Variants in PID1 observed in about 807,000 individuals in gnomAD.
The protein encoded by PID1 is phosphotyrosine interaction domain containing 1.
PID1 carries 10 observed loss-of-function variants against 19.1 expected under a neutral mutation model. That is an observed-to-expected ratio of 0.52 (90% CI 0.32 to 0.89). The LOEUF (loss-of-function observed/expected upper bound fraction) is 0.89, where lower values mean the gene tolerates loss of function less well. PID1 is among the 40% of genes least tolerant of loss of function. The probability of loss-of-function intolerance (pLI) is 0.03; values close to 1 mark genes in which losing one functional copy is unlikely to be tolerated. For missense variants in PID1, 248 were observed against 285.3 expected, an observed-to-expected ratio of 0.87 and a Z score of 0.94; for synonymous variants, 130 against 116.0, an observed-to-expected ratio of 1.12 and a Z score of -0.78.
chr2:229,161,119 C>A (rs913387231), intron 1 of PID1, among the ~76,000 whole-genome samples: 1 of 152,088 alleles, frequency 6.6e-6, no homozygotes, highest in Admixed American at 6.6e-5. Context: ...ATGTCCCTGC[C>A]CAAAAGCATT....
At chr2:229,041,883 C>T (rs1214063972) in intron 2 of PID1, among the ~76,000 whole-genome samples, 3 of 152,048 alleles carry the variant, frequency 2.0e-5, no homozygotes, top group Non-Finnish European at 4.4e-5. Flanking sequence ...TAAAGATCTG[C>T]TCCAGATTAA....
intron 2 of PID1, among the ~76,000 whole-genome samples, chr2:229,061,190 C>T (rs1020155247): frequency 2.0e-5 from 3 of 151,998 alleles, no homozygotes; most frequent in East Asian, 3.9e-4. Context: ...AGACAAATGT[C>T]GTAGAACTTT....
At chr2:229,182,065 G>A (rs1307755232) in intron 1 of PID1, among the ~76,000 whole-genome samples, 1 of 152,176 alleles carries the variant, frequency 6.6e-6, no homozygotes, top group Non-Finnish European at 1.5e-5. Flanking sequence ...AGGGAGGAAT[G>A]AATAGGAAGA....
In PID1 at chr2:229,026,075, T is replaced by A. The variant is rs1472167795; in HGVS notation, c.211A>T (p.Met71Leu). 4 of 1,614,022 alleles carry A rather than the reference T, an allele frequency of 2.5e-6. No homozygotes were observed. The highest frequency in any genetic ancestry group is 3.4e-6 in the Non-Finnish European group (4 of 1,180,006). Residue 71 changes from methionine to leucine, a missense_variant, in exon 3 of 3, where the codon ATG becomes TTG. Physicochemically the swap from Met to Leu is conservative, Grantham distance 15. Coordinates refer to ENST00000392055, the MANE Select transcript of PID1 (RefSeq NM_001100818.2). ...TYLGKVSTTG[M>L]QFLSGCTEKP... ...TCTGTGCAGCCTGACAAAAACTGCATGCCAGTGGTGGAGACTTTGCCCAGG... is the reference window on the plus strand; with the variant it reads ...TCTGTGCAGCCTGACAAAAACTGCAAGCCAGTGGTGGAGACTTTGCCCAGG...
chr2:229,108,743 C>G (rs6748551), intron 2 of PID1, among the ~76,000 whole-genome samples: 11,832 of 152,120 alleles, frequency 0.078, 530 homozygotes, highest in African/African-American at 0.12. Flanking sequence ...GAGAGGCCAG[C>G]CTATGGGGAG....
At chr2:229,151,570 T>G (rs1304261407) in intron 2 of PID1, among the ~76,000 whole-genome samples, 2 of 149,190 alleles carry the variant, frequency 1.3e-5, no homozygotes, top group Non-Finnish European at 3.0e-5. Flanking sequence ...GACTTCTATT[T>G]CTTTTTTTTT....
chr2:229,162,040 C>T (rs1303247891), intron 1 of PID1, among the ~76,000 whole-genome samples: 3 of 152,172 alleles, frequency 2.0e-5, no homozygotes, highest in East Asian at 3.8e-4. Flanking sequence ...AGCTACTGCT[C>T]GCAAACCAAA....
At chr2:229,187,634 G>C (rs905388206) in intron 1 of PID1, among the ~76,000 whole-genome samples, 3 of 152,114 alleles carry the variant, frequency 2.0e-5, no homozygotes, top group African/African-American at 4.8e-5. Context: ...ATGAGATTTG[G>C]ATGGGGACAC....
chr2:229,059,688 G>A (rs1337240399), intron 2 of PID1, among the ~76,000 whole-genome samples: 1 of 152,176 alleles, frequency 6.6e-6, no homozygotes, highest in Non-Finnish European at 1.5e-5. Flanking sequence ...GTGCTACGAT[G>A]TGTTTACTTC....
intron 2 of PID1, among the ~76,000 whole-genome samples, chr2:229,132,645 G>A (rs1379843848): frequency 6.6e-6 from 1 of 152,170 alleles, no homozygotes; most frequent in African/African-American, 2.4e-5. Flanking sequence ...TTGATTAGGA[G>A]CATTAATTAA....
intron 1 of PID1, among the ~76,000 whole-genome samples, chr2:229,180,083 G>A (rs900980406): frequency 6.6e-6 from 1 of 152,132 alleles, no homozygotes. Context: ...TCGTATACAG[G>A]TCCCAAATCT....
intron 1 of PID1, among the ~76,000 whole-genome samples, chr2:229,195,005 A>G (rs376797963): frequency 6.6e-6 from 1 of 151,884 alleles, no homozygotes. Flanking sequence ...TTTTTAGTTT[A>G]TATCTTACTA....
chr2:229,254,865 T>C (rs537024813), intron 1 of PID1, among the ~76,000 whole-genome samples: 125 of 152,350 alleles, frequency 8.2e-4, no homozygotes, highest in Middle Eastern at 6.8e-3. Context: ...AGGACTTTTA[T>C]ATTCTGTGGG....
rs545425672 is a variant in PID1 at position 229,253,445 on chromosome 2, C to T, written c.30+17569G>A. On this transcript the variant is annotated intron_variant, in intron 1 of 2. Transcript: ENST00000392055. ...GAGATGCCAATAGCAGGACTACACC[C>T]TTATAAACAACAAGGACCAAAAAAC... Among the ~76,000 whole-genome samples, 5 of 152,156 alleles carry T rather than the reference C, an allele frequency of 3.3e-5. No homozygotes were observed. In the South Asian group the frequency reaches 8.3e-4, roughly 25 times the overall value.
intron 2 of PID1, among the ~76,000 whole-genome samples, chr2:229,053,732 A>T (rs1056970934): frequency 6.6e-6 from 1 of 152,180 alleles, no homozygotes; most frequent in African/African-American, 2.4e-5. Flanking sequence ...GTTTATAGTT[A>T]CTCGAACAGT....
At chr2:229,193,735 T>C (rs1203296711) in intron 1 of PID1, among the ~76,000 whole-genome samples, 9 of 151,296 alleles carry the variant, frequency 5.9e-5, no homozygotes, top group African/African-American at 1.2e-4. Flanking sequence ...ATAAATAATA[T>C]ATACTTAATA....
intron 2 of PID1, among the ~76,000 whole-genome samples, chr2:229,129,523 T>C (rs1439719799): frequency 6.6e-6 from 1 of 152,096 alleles, no homozygotes; most frequent in African/African-American, 2.4e-5. Flanking sequence ...GTAATAAGTA[T>C]CTTAATTTTC....
chr2:229,073,463 C>T (rs773328404), intron 2 of PID1, among the ~76,000 whole-genome samples: 6 of 152,182 alleles, frequency 3.9e-5, no homozygotes, highest in Admixed American at 6.5e-5. Flanking sequence ...TGAATTGCCA[C>T]GCTCTACGCT....
intron 1 of PID1, among the ~76,000 whole-genome samples, chr2:229,202,505 T>C (rs1691519183): frequency 4.6e-5 from 7 of 152,016 alleles, no homozygotes; most frequent in Admixed American, 4.6e-4. Context: ...GCTGAAAACT[T>C]CCAGGAGCAT....
Sources: gnomAD v4.1 joint callset for allele counts (sites outside exome capture counted in the v4.1 genomes callset) on GRCh38, gnomAD v4.1.1 for gene constraint, MANE v1.5 for transcripts, NCBI Gene and HGNC (gene_info 2026-07-23, HGNC 2026-07-21) for gene names.